The following MLH3 variants were observed in gnomAD, a reference collection of about 807,000 sequenced individuals.
MLH3 encodes the protein mutL homolog 3.
MLH3 carries 82 observed loss-of-function variants against 122.2 expected under a neutral mutation model. That is an observed-to-expected ratio of 0.67 (90% CI 0.56 to 0.81). The LOEUF is 0.81. MLH3 is among the 30% of genes least tolerant of loss of function. The pLI, the probability that MLH3 is intolerant of heterozygous loss-of-function variation, is 0.00. For missense variants in MLH3, 1,539 were observed against 1,714.5 expected, an observed-to-expected ratio of 0.90 and a Z score of 1.81; for synonymous variants, 524 against 599.5, an observed-to-expected ratio of 0.87 and a Z score of 1.84.
At chr14:75,022,688 T>C in intron 11 of MLH3, 126 bp downstream of exon 11, 1 of 894,864 alleles carries the variant, frequency 1.1e-6, no homozygotes, top group East Asian at 2.4e-5. Flanking sequence ...TTCAGTTTCT[T>C]GATCTAAATT....
rs1175213907 is a variant in MLH3, at chr14:75,030,622, T to C, written c.3908A>G (p.Lys1303Arg). The C allele has an allele frequency of 6.2e-7, 1 of 1,613,974 alleles. No homozygotes were observed. The highest frequency in any genetic ancestry group is 1.1e-5 in the South Asian group (1 of 91,082). ...TCTTTCCACAAAACATAGTGGTACT[T>C]TTCCCACAAGGACCAGAGAATCACT... ...DTSDSLVLVG[K>R]VPLCFVEREA... Residue 1303 changes from lysine to arginine, a missense_variant, in exon 9 of 13, where the codon AAA becomes AGA. Lys to Arg is a conservative substitution (Grantham distance 26). Transcript: ENST00000355774.
At chr14:75,028,572 C>G (rs543989459) in intron 9 of MLH3, among the ~76,000 whole-genome samples, 1 of 151,994 alleles carries the variant, frequency 6.6e-6, no homozygotes, top group East Asian at 2.0e-4. Context: ...CACATACCAT[C>G]ATGCCTGGCT....
intron 6 of MLH3, among the ~76,000 whole-genome samples, chr14:75,037,367 A>C (rs1317070365): frequency 6.6e-6 from 1 of 152,222 alleles, no homozygotes; most frequent in Admixed American, 6.5e-5. Flanking sequence ...AGGGGCTAGA[A>C]CTAAAATTTT....
In MLH3 at chr14:75,049,369, G is replaced by T; in HGVS notation, c.287C>A (p.Ala96Asp). 6.2e-7 allele frequency: 1 copy of T among 1,614,004 alleles called. No individual in the cohort carries two copies. The highest frequency in any genetic ancestry group is 8.5e-7 in the Non-Finnish European group (1 of 1,180,030). The change falls in exon 2 of 13, where the codon GCC (alanine) becomes GAC (aspartate). Residue 96 changes from alanine to aspartate, a missense_variant. Transcript: ENST00000355774. The part of the protein sequence containing the change: ...NPRFYGFRGE[A>D]LANIADMASA... ...GGCCATGTCAGCAATATTTGCCAAG[G>T]CCTCTCCTCGGAAACCATAAAACCT...
intron 5 of MLH3, 107 bp downstream of exon 5, chr14:75,039,804 G>A: frequency 3.0e-6 from 1 of 329,644 alleles, no homozygotes; most frequent in Non-Finnish European, 5.1e-6. Context: ...TGACCAAGGT[G>A]GTCTATATCA....
chr14:75,022,703 TCTC>T (rs1566885082), intron 11 of MLH3, 108 bp downstream of exon 11: 1 of 943,628 alleles, frequency 1.1e-6, no homozygotes, highest in East Asian at 2.4e-5. Flanking sequence ...TAAATTGTAT[TCTC>T]CAAGAGTCAA....
chr14:75,024,182 T>A (rs550309100), intron 9 of MLH3, among the ~76,000 whole-genome samples: 17 of 152,320 alleles, frequency 1.1e-4, no homozygotes, highest in East Asian at 5.8e-4. Context: ...TTATTTTATT[T>A]TTTATTTATT....
In MLH3 at chr14:75,017,039, C is replaced by T; in HGVS notation, c.*43G>A. On this transcript the variant is annotated 3_prime_UTR_variant, in exon 13 of 13. Transcript: ENST00000355774. The stretch of plus-strand genomic sequence containing the variant: ...CTGCTGCTCTCTGCTCAGAGGCATA[C>T]AGTGAACATCCCTTTGTTCCTTTTA... The T allele has an allele frequency of 6.2e-7, 1 of 1,609,120 alleles. No individual in the cohort carries two copies. The highest frequency in any genetic ancestry group is 8.5e-7 in the Non-Finnish European group (1 of 1,176,718).
chr14:75,025,536 C>A (rs1367496721), intron 9 of MLH3, among the ~76,000 whole-genome samples: 1 of 152,092 alleles, frequency 6.6e-6, no homozygotes, highest in Non-Finnish European at 1.5e-5. Context: ...CTTTCCAGAC[C>A]TTTTCCAAAG....
rs566594374 is a variant in MLH3 at position 75,048,017 on chromosome 14, T to G, written c.1639A>C (p.Ile547Leu). ...MAANILKNNR[I>L]QNQPKRFKDA... Reference sequence around the variant, plus strand: ...TTAAATCTCTTTGGTTGATTCTGAATTCTATTATTTTTCAAGATGTTGGCA... The same window carrying G: ...TTAAATCTCTTTGGTTGATTCTGAAGTCTATTATTTTTCAAGATGTTGGCA... The change falls in exon 2 of 13, where the codon ATT becomes CTT. Residue 547 changes from isoleucine (I) to leucine (L), a missense_variant. Coordinates refer to ENST00000355774, the MANE Select transcript of MLH3 (RefSeq NM_001040108.2). 1.2e-6 allele frequency: 2 copies of G among 1,613,674 alleles called. No homozygotes were observed. Among genetic ancestry groups the G allele is most frequent in the South Asian group, 2.2e-5 (2 of 90,860 alleles).
chr14:75,038,747 C>G (rs1036508730), intron 5 of MLH3, among the ~76,000 whole-genome samples: 14 of 152,048 alleles, frequency 9.2e-5, no homozygotes, highest in African/African-American at 3.4e-4. Context: ...CCAGAGATTG[C>G]TAACATACAG....
At chr14:75,050,965 C>G (rs895572861) in intron 1 of MLH3, 1 of 152,286 alleles carries the variant, frequency 6.6e-6, no homozygotes, top group Admixed American at 6.5e-5. Flanking sequence ...CAAATCAGGG[C>G]TCTTAACTGC....
Position 75,049,295 on chromosome 14 carries a change from C to G in MLH3, c.361G>C (p.Val121Leu), listed in dbSNP as rs763803149. The G allele has an allele frequency of 6.2e-7, 1 of 1,614,202 alleles. No homozygotes were observed. The highest frequency in any genetic ancestry group is 8.5e-7 in the Non-Finnish European group (1 of 1,180,034). Residue 121 changes from valine to leucine, a missense_variant, in exon 2 of 13, where the codon GTG becomes CTG. Transcript: ENST00000355774. ...GCTTTTCCACTCTGAAACAGTTTCA[C>G]AAAAGTTTTCATTGTCCTGTTTTTC... ...SKKNRTMKTF[V>L]KLFQSGKALK...
intron 6 of MLH3, among the ~76,000 whole-genome samples, chr14:75,037,177 T>C (rs1413748000): frequency 1.3e-5 from 2 of 152,206 alleles, no homozygotes; most frequent in African/African-American, 4.8e-5. Context: ...CTTGCCCTGT[T>C]TCCACTCACT....
rs766063089 is a variant in MLH3, at chr14:75,047,265, G to A, written c.2391C>T (p.Arg797=). Residue 797 remains arginine, a synonymous_variant, in exon 2 of 13, where the codon CGC becomes CGT. Coordinates refer to ENST00000355774, the MANE Select transcript of MLH3 (RefSeq NM_001040108.2). ...TTTTACAAACATCAGAGTTCTCTAA[G>A]CGGTTCTTGTCCTTCAGCAGAATGT... ...EPDILLKDKN[R]LENSDVCKIT... is the part of the protein sequence containing the mutation. The A allele has an allele frequency of 1.5e-5, 25 of 1,614,024 alleles. No individual in the cohort carries two copies. The highest frequency in any genetic ancestry group is 2.0e-5 in the Non-Finnish European group (24 of 1,180,018).
Position 75,023,157 on chromosome 14 carries a change from C to T in MLH3, c.3988-139G>A, listed in dbSNP as rs1030877640. The T allele has an allele frequency of 9.4e-6, 9 of 953,294 alleles. No individual in the cohort carries two copies. The Admixed American group carries it at 1.7e-4, about 18-fold the overall frequency. 59.1% of individuals were successfully genotyped at this position (953,294 alleles called of 1,614,324 possible). ...GTTCCAGCAATACAGCACTTGGGTA[C>T]AAATTTATTTGTTGTAAGGCACTTT... On this transcript the variant is annotated intron_variant, in intron 9 of 12. Coordinates refer to ENST00000355774, the MANE Select transcript of MLH3 (RefSeq NM_001040108.2).
rs2139592953 is a variant in MLH3 at position 75,048,693 on chromosome 14, C to T, written c.963G>A (p.Met321Ile). The T allele has an allele frequency of 6.2e-7, 1 of 1,614,156 alleles. No individual in the cohort carries two copies. Among genetic ancestry groups the T allele is most frequent in the Non-Finnish European group, 8.5e-7 (1 of 1,180,016 alleles). Residue 321 changes from methionine to isoleucine, a missense_variant, in exon 2 of 13, where the codon ATG becomes ATA. Coordinates refer to ENST00000355774, the MANE Select transcript of MLH3 (RefSeq NM_001040108.2). ...QCQFCEYDVC[M>I]EPAKTLIEFQ... ...ATTCAATCAGAGTTTTGGCTGGCTC[C>T]ATGCACACATCATACTCACAGAATT...
chr14:75,018,808 T>A (rs1566881078), intron 12 of MLH3, 21 bp downstream of exon 12: 1 of 1,613,638 alleles, frequency 6.2e-7, no homozygotes, highest in South Asian at 1.1e-5. Flanking sequence ...TCCCTCCTGC[T>A]CCTGTTAGTC....
At position 75,049,359 on chromosome 14, in the gene MLH3, A is replaced by G. The variant is rs1312768307; in HGVS notation, c.297T>C (p.Asn99=). The G allele has an allele frequency of 6.2e-7, 1 of 1,613,910 alleles. No homozygotes were observed. Among genetic ancestry groups the G allele is most frequent in the Non-Finnish European group, 8.5e-7 (1 of 1,180,034 alleles). ...CCACAGCACTGGCCATGTCAGCAAT[A>G]TTTGCCAAGGCCTCTCCTCGGAAAC... is the stretch of plus-strand genomic sequence containing the variant. The part of the protein sequence containing the change: ...FYGFRGEALA[N]IADMASAVEI... Residue 99 remains asparagine, a synonymous_variant, in exon 2 of 13, where the codon AAT becomes AAC. Transcript: ENST00000355774.
Sources: gnomAD v4.1 joint callset for allele counts (sites outside exome capture counted in the v4.1 genomes callset) on GRCh38, gnomAD v4.1.1 for gene constraint, MANE v1.5 for transcripts, NCBI Gene and HGNC (gene_info 2026-07-23, HGNC 2026-07-21) for gene names.